The following PARM1 variants were observed in gnomAD, a reference collection of about 807,000 sequenced individuals.
The protein encoded by PARM1 is WSC4, cell wall integrity and stress response component 4 homolog.
PARM1 carries 14 observed loss-of-function variants against 24.6 expected under a neutral mutation model. The observed-to-expected ratio is 0.57, with a 90% CI of 0.38 to 0.89. The LOEUF (loss-of-function observed/expected upper bound fraction) is 0.89, where lower values mean the gene tolerates loss of function less well. Ranked by LOEUF, PARM1 falls within the 40% of genes least tolerant of loss-of-function variation. The pLI is 0.00. For synonymous variants in PARM1, 179 were observed against 156.6 expected (o/e 1.14, Z -1.07); for missense variants, 362 against 380.4 (o/e 0.95, Z 0.40).
intron 1 of PARM1, among the ~76,000 whole-genome samples, chr4:74,995,875 G>A (rs1299800923): frequency 6.6e-6 from 1 of 152,062 alleles, no homozygotes; most frequent in Admixed American, 6.6e-5. Flanking sequence ...AAATCACTGG[G>A]ATAAAGTTCA....
rs552117812 is a variant in PARM1, at chr4:74,977,537, A to G, written c.44-34888A>G. Among the ~76,000 whole-genome samples, 3 of 152,350 alleles carry G rather than the reference A, an allele frequency of 2.0e-5. No individual in the cohort carries two copies. In the South Asian group the frequency reaches 6.2e-4, roughly 32 times the overall value. ...GGAGAATGGACCCAAGTTGGAAAAC[A>G]TTCATCAGGATATCATTCAGAAAAA... On this transcript the variant is annotated intron_variant, in intron 1 of 3. Coordinates refer to ENST00000307428, the MANE Select transcript of PARM1 (RefSeq NM_015393.4).
chr4:74,999,590 T>C (rs1393278908), intron 1 of PARM1, among the ~76,000 whole-genome samples: 4 of 152,218 alleles, frequency 2.6e-5, no homozygotes, highest in Non-Finnish European at 5.9e-5. Context: ...TTTAGATACC[T>C]GGGTTCCTTG....
intron 1 of PARM1, among the ~76,000 whole-genome samples, chr4:74,977,156 C>T (rs927468019): frequency 1.3e-5 from 2 of 152,150 alleles, no homozygotes; most frequent in Admixed American, 6.5e-5. Flanking sequence ...TAATAACAAA[C>T]TTTACTGAGC....
At chr4:74,974,803 C>G (rs1364384240) in intron 1 of PARM1, among the ~76,000 whole-genome samples, 1 of 152,140 alleles carries the variant, frequency 6.6e-6, no homozygotes, top group Non-Finnish European at 1.5e-5. Flanking sequence ...GGATGGGGCT[C>G]TTGTGATGGG....
chr4:74,978,701 A>G (rs922281775), intron 1 of PARM1, among the ~76,000 whole-genome samples: 1 of 152,224 alleles, frequency 6.6e-6, no homozygotes, highest in Non-Finnish European at 1.5e-5. Context: ...AAAATTGATC[A>G]CATCATTGAT....
At chr4:75,032,475 TAAAAG>T (rs1021373690) in intron 2 of PARM1, among the ~76,000 whole-genome samples, 18 of 152,006 alleles carry the variant, frequency 1.2e-4, no homozygotes, top group African/African-American at 3.9e-4. Flanking sequence ...AATAAATAAA[TAAAAG>T]AAGAGATACT....
chr4:74,946,780 C>T (rs1240331257), intron 1 of PARM1, among the ~76,000 whole-genome samples: 2 of 152,032 alleles, frequency 1.3e-5, no homozygotes, highest in African/African-American at 4.8e-5. Flanking sequence ...CGTTTAAACT[C>T]GTAAATTCAC....
At chr4:75,022,029 C>T (rs1723097650) in intron 2 of PARM1, among the ~76,000 whole-genome samples, 1 of 152,168 alleles carries the variant, frequency 6.6e-6, no homozygotes, top group African/African-American at 2.4e-5. Flanking sequence ...TTTGAGAAAT[C>T]TCCAAACTGC....
chr4:74,995,229 T>C (rs1722554722), intron 1 of PARM1, among the ~76,000 whole-genome samples: 1 of 152,124 alleles, frequency 6.6e-6, no homozygotes, highest in Non-Finnish European at 1.5e-5. Context: ...AAAGATGTCT[T>C]TAAGATCCAT....
chr4:75,016,935 C>T (rs935899831), intron 2 of PARM1, among the ~76,000 whole-genome samples: 7 of 152,162 alleles, frequency 4.6e-5, no homozygotes, highest in African/African-American at 1.7e-4. Context: ...CACTGGGTGG[C>T]TCATAGGCAT....
At chr4:74,943,126 C>T (rs1721344592) in intron 1 of PARM1, among the ~76,000 whole-genome samples, 3 of 152,208 alleles carry the variant, frequency 2.0e-5, no homozygotes, top group Middle Eastern at 6.8e-3. Flanking sequence ...TTACCCTGAC[C>T]GACCTCTTAA....
At chr4:74,954,844 A>C (rs1405865751) in intron 1 of PARM1, among the ~76,000 whole-genome samples, 1 of 152,208 alleles carries the variant, frequency 6.6e-6, no homozygotes, top group African/African-American at 2.4e-5. Context: ...TCTTAGCATC[A>C]GACTTCAGCA....
At chr4:74,990,364 TA>T in intron 1 of PARM1, among the ~76,000 whole-genome samples, 1 of 152,300 alleles carries the variant, frequency 6.6e-6, no homozygotes, top group South Asian at 2.1e-4. Flanking sequence ...ATCTCATGGA[TA>T]TCTTCATCTA....
At chr4:74,979,178 C>A (rs2109770916) in intron 1 of PARM1, among the ~76,000 whole-genome samples, 1 of 151,434 alleles carries the variant, frequency 6.6e-6, no homozygotes, top group East Asian at 1.9e-4. Context: ...ATCAATGAAT[C>A]CAGGAGCTGT....
intron 1 of PARM1, among the ~76,000 whole-genome samples, chr4:74,963,498 G>T (rs1721827483): frequency 6.6e-6 from 1 of 152,156 alleles, no homozygotes; most frequent in African/African-American, 2.4e-5. Flanking sequence ...TCTGATCCAT[G>T]CTGTAATATG....
chr4:74,995,079 C>G (rs1722552069), intron 1 of PARM1, among the ~76,000 whole-genome samples: 1 of 152,076 alleles, frequency 6.6e-6, no homozygotes, highest in Non-Finnish European at 1.5e-5. Flanking sequence ...AGGCCATACC[C>G]TGGGATATAA....
chr4:74,977,490 TG>T (rs1465539023), intron 1 of PARM1, among the ~76,000 whole-genome samples: 6 of 152,082 alleles, frequency 3.9e-5, no homozygotes, highest in African/African-American at 1.4e-4. Flanking sequence ...CTACAACTAA[TG>T]GGGGTATATG....
chr4:74,969,051 C>G (rs997283060), intron 1 of PARM1, among the ~76,000 whole-genome samples: 3 of 152,192 alleles, frequency 2.0e-5, no homozygotes, highest in African/African-American at 7.2e-5. Flanking sequence ...AATACAAGCA[C>G]ATGGTAAACC....
intron 1 of PARM1, chr4:74,965,025 A>T (rs1721869138): frequency 6.6e-6 from 1 of 152,208 alleles, no homozygotes; most frequent in East Asian, 1.9e-4. Context: ...GACTGTTAAG[A>T]AAAGTCCAAT....
Sources: allele counts gnomAD v4.1 joint callset (sites outside exome capture counted in the v4.1 genomes callset), GRCh38; gene constraint gnomAD v4.1.1; transcripts MANE v1.5; gene names NCBI Gene and HGNC (gene_info 2026-07-23, HGNC 2026-07-21).